Variants in PTPRD observed in about 807,000 individuals in gnomAD.
PTPRD encodes the protein protein tyrosine phosphatase receptor type D.
In PTPRD, 34 loss-of-function variants were observed where a neutral mutation model predicts 214.5. The ratio of observed to expected loss-of-function variants is 0.16; its 90% confidence interval spans 0.12 to 0.21. The LOEUF (loss-of-function observed/expected upper bound fraction) is 0.21. PTPRD is among the 10% of genes least tolerant of loss of function. PTPRD has a pLI of 1.00. For synonymous variants in PTPRD, 1,128 were observed against 845.7 expected (o/e 1.33, Z -5.79); for missense variants, 2,545 against 2,398.7 (o/e 1.06, Z -1.27).
intron 12 of PTPRD, among the ~76,000 whole-genome samples, chr9:8,721,566 T>G (rs1466793239): frequency 6.6e-6 from 1 of 152,126 alleles, no homozygotes; most frequent in African/African-American, 2.4e-5. Context: ...ACAAAATTAA[T>G]ATACCATAAA....
At chr9:9,081,755 T>C (rs1026315220) in intron 10 of PTPRD, among the ~76,000 whole-genome samples, 2 of 152,120 alleles carry the variant, frequency 1.3e-5, no homozygotes, top group Non-Finnish European at 2.9e-5. Context: ...TGTAGTGCCC[T>C]TCTTTGTCTT....
intron 25 of PTPRD, among the ~76,000 whole-genome samples, chr9:8,498,988 A>T (rs1338766072): frequency 6.6e-6 from 1 of 152,184 alleles, no homozygotes; most frequent in Non-Finnish European, 1.5e-5. Flanking sequence ...CCCTAAGATC[A>T]ATACAATTTC....
intron 10 of PTPRD, among the ~76,000 whole-genome samples, chr9:9,028,239 G>C (rs769720552): frequency 9.9e-5 from 15 of 152,050 alleles, no homozygotes; most frequent in Non-Finnish European, 1.3e-4. Context: ...AAGAAATTCA[G>C]ACAATATTTG....
intron 4 of PTPRD, among the ~76,000 whole-genome samples, chr9:9,987,589 G>A (rs1024623340): frequency 6.6e-6 from 1 of 152,126 alleles, no homozygotes; most frequent in African/African-American, 2.4e-5. Flanking sequence ...GGAGCTACGA[G>A]ATGAGATTTG....
intron 10 of PTPRD, among the ~76,000 whole-genome samples, chr9:9,130,169 A>T (rs2099840454): frequency 6.6e-6 from 1 of 152,188 alleles, no homozygotes; most frequent in South Asian, 2.1e-4. Context: ...CAAACAAGAC[A>T]GGTAATTTCA....
chr9:9,219,015 G>T (rs144146446), intron 9 of PTPRD, among the ~76,000 whole-genome samples: 15 of 152,058 alleles, frequency 9.9e-5, no homozygotes, highest in African/African-American at 3.6e-4. Context: ...GAAAGGAAGG[G>T]GTACTTTGGT....
intron 7 of PTPRD, among the ~76,000 whole-genome samples, chr9:9,706,942 C>A (rs555909862): frequency 1.3e-5 from 2 of 151,986 alleles, no homozygotes; most frequent in African/African-American, 2.4e-5. Context: ...TCCAAAGGAC[C>A]ATTTGGCCCC....
intron 23 of PTPRD, 132 bp downstream of exon 23, chr9:8,504,129 A>T (rs1291888779): frequency 3.6e-6 from 3 of 836,184 alleles, no homozygotes; most frequent in Non-Finnish European, 5.7e-6. Flanking sequence ...TCACCTGTGA[A>T]GTGTGATGCA....
chr9:8,911,710 G>C (rs966274341), intron 11 of PTPRD, among the ~76,000 whole-genome samples: 1 of 151,614 alleles, frequency 6.6e-6, no homozygotes, highest in Non-Finnish European at 1.5e-5. Flanking sequence ...CTGTTTAAAG[G>C]GTGGCATTAA....
chr9:9,704,096 C>T (rs948755735), intron 7 of PTPRD, among the ~76,000 whole-genome samples: 1 of 151,932 alleles, frequency 6.6e-6, no homozygotes, highest in Admixed American at 6.6e-5. Context: ...GACCCTGAAA[C>T]CAGATAATAG....
intron 35 of PTPRD, among the ~76,000 whole-genome samples, chr9:8,406,830 T>C (rs1472344375): frequency 1.3e-5 from 2 of 152,186 alleles, no homozygotes; most frequent in Non-Finnish European, 2.9e-5. Context: ...TAACTACCAC[T>C]GCTATTCCAC....
intron 3 of PTPRD, among the ~76,000 whole-genome samples, chr9:10,325,914 C>T (rs1481010815): frequency 6.6e-6 from 1 of 151,742 alleles, no homozygotes; most frequent in East Asian, 1.9e-4. Context: ...ACAAAATTTA[C>T]ACCCCACTGT....
chr9:9,921,570 C>A (rs1353850323), intron 5 of PTPRD, among the ~76,000 whole-genome samples: 3 of 149,934 alleles, frequency 2.0e-5, no homozygotes, highest in African/African-American at 7.3e-5. Context: ...AGAGAACTTA[C>A]AAATTACATA....
At chr9:9,394,878 C>A (rs563947963) in intron 9 of PTPRD, among the ~76,000 whole-genome samples, 2 of 152,018 alleles carry the variant, frequency 1.3e-5, no homozygotes, top group Admixed American at 1.3e-4. Context: ...TCCTTCCATG[C>A]TCTATATTTG....
intron 7 of PTPRD, among the ~76,000 whole-genome samples, chr9:9,641,642 G>C (rs183328959): frequency 6.6e-4 from 101 of 152,282 alleles, no homozygotes; most frequent in African/African-American, 2.4e-3. Context: ...CCCACCAACA[G>C]TTTTGCCTAG....
chr9:10,459,157 T>C (rs2098939461), intron 2 of PTPRD, among the ~76,000 whole-genome samples: 2 of 152,298 alleles, frequency 1.3e-5, no homozygotes, highest in South Asian at 2.1e-4. Context: ...TGTTCGGTTC[T>C]CTGTCCTTGT....
At chr9:9,059,340 C>A (rs1256966021) in intron 10 of PTPRD, among the ~76,000 whole-genome samples, 2 of 152,008 alleles carry the variant, frequency 1.3e-5, no homozygotes, top group Non-Finnish European at 2.9e-5. Context: ...TAAATGACAC[C>A]AGAAAAATTC....
chr9:8,422,111 C>T (rs771748999), intron 35 of PTPRD, among the ~76,000 whole-genome samples: 2 of 115,648 alleles, frequency 1.7e-5, no homozygotes, highest in African/African-American at 6.8e-5. Context: ...GGTGCCACTG[C>T]ACTTCAGCCT....
chr9:9,916,884 C>G (rs1490832963), intron 5 of PTPRD, among the ~76,000 whole-genome samples: 1 of 151,318 alleles, frequency 6.6e-6, no homozygotes, highest in Non-Finnish European at 1.5e-5. Flanking sequence ...CCATTGATCA[C>G]AATAGAATAA....
Sources: gnomAD v4.1 joint callset for allele counts (sites outside exome capture counted in the v4.1 genomes callset) on GRCh38, gnomAD v4.1.1 for gene constraint, MANE v1.5 for transcripts, NCBI Gene and HGNC (gene_info 2026-07-23, HGNC 2026-07-21) for gene names.